CACNA1A: variants seen among roughly 807,000 people sequenced by gnomAD.
CACNA1A encodes the protein voltage-dependent P/Q-type calcium channel subunit alpha-1A.
In CACNA1A, 57 loss-of-function variants were observed where a neutral mutation model predicts 262.4. That is an observed-to-expected ratio of 0.22 (90% CI 0.18 to 0.27). The LOEUF is 0.27. CACNA1A is among the 10% of genes least tolerant of loss of function. The pLI, the probability that CACNA1A is intolerant of heterozygous loss-of-function variation, is 1.00. For synonymous variants in CACNA1A, 1,431 were observed against 1,419.3 expected, an observed-to-expected ratio of 1.01 and a Z score of -0.18; for missense variants, 2,526 against 3,562.8, an observed-to-expected ratio of 0.71 and a Z score of 7.41.
rs2057405542 is a variant in CACNA1A at position 13,286,608 on chromosome 19, T to G, written c.3448A>C (p.Ser1150Arg). ...TTAGCTGAATTGGTCTGGGTGCCGC[T>G]GGGGTTGGTGACGATAAGGCTATTC... ...PENSLIVTNP[S>R]GTQTNSAKTA... The change falls in exon 20 of 47, where the codon AGC becomes CGC. Residue 1150 changes from serine to arginine, a missense_variant. By Grantham distance (110) the Ser-to-Arg change is moderately radical. This residue lies in a region of CACNA1A where 765 missense variants were observed against 748.6 expected (regional missense o/e 1.02). Coordinates refer to ENST00000360228, the MANE Select transcript of CACNA1A (RefSeq NM_001127222.2). The G allele has an allele frequency of 3.4e-6, 5 of 1,467,468 alleles. No individual in the cohort carries two copies. Among genetic ancestry groups the G allele is most frequent in the Non-Finnish European group, 4.5e-6 (5 of 1,108,600 alleles). The allele number at this position is 1,467,468 out of a possible 1,614,324, so 90.9% of individuals were successfully genotyped here.
chr19:13,405,440 A>C (rs1299605016), intron 3 of CACNA1A, among the ~76,000 whole-genome samples: 2 of 152,096 alleles, frequency 1.3e-5, no homozygotes, highest in Non-Finnish European at 2.9e-5. Context: ...TCCCGTGCTC[A>C]AGCAATCAGC....
intron 6 of CACNA1A, among the ~76,000 whole-genome samples, chr19:13,345,741 C>T (rs1187107588): frequency 6.6e-6 from 1 of 152,086 alleles, no homozygotes; most frequent in Non-Finnish European, 1.5e-5. Context: ...TGAAGTCTGA[C>T]AGTGACCGTG....
In CACNA1A at chr19:13,298,857, C is replaced by A; in HGVS notation, c.2776G>T (p.Gly926Trp). ...TGCACGTGCCTCCGGTGGGGGTCCC[C>A]GGCCTTGCCTCGCTCGGCCTCGCCC... ...WEGEAERGKA[G>W]DPHRRHVHRQ... The change falls in exon 19 of 47, where the codon GGG becomes TGG. Residue 926 changes from glycine to tryptophan, a missense_variant. Physicochemically the swap from Gly to Trp is radical, Grantham distance 184 (BLOSUM62 -2). Around this residue, in one of 17 missense-constraint regions of CACNA1A, gnomAD observed 765 missense variants for 748.6 expected, o/e 1.02. Coordinates refer to ENST00000360228, the MANE Select transcript of CACNA1A (RefSeq NM_001127222.2). 1 of 1,587,682 alleles carries A rather than the reference C, an allele frequency of 6.3e-7. No individual in the cohort carries two copies. The highest frequency in any genetic ancestry group is 2.3e-5 in the East Asian group (1 of 43,868).
rs112883493 is a variant in CACNA1A at position 13,422,337 on chromosome 19, A to G, written c.539+30539T>C. On this transcript the variant is annotated intron_variant, in intron 3 of 46. Coordinates refer to ENST00000360228, the MANE Select transcript of CACNA1A (RefSeq NM_001127222.2). ...CCACATCTCAAAAAAGAAAAGTTCA[A>G]TGTAGCTAGAGTGGAGAGATAACAC... Among the ~76,000 whole-genome samples, 656 of 152,256 alleles carry G rather than the reference A, an allele frequency of 4.3e-3. 8 individuals are homozygous for G. Among genetic ancestry groups the G allele is most frequent in the African/African-American group, 0.015 (611 of 41,548 alleles).
At chr19:13,233,297 C>T (rs1244681108) in intron 34 of CACNA1A, among the ~76,000 whole-genome samples, 1 of 152,090 alleles carries the variant, frequency 6.6e-6, no homozygotes, top group Non-Finnish European at 1.5e-5. Context: ...GCATAACCTG[C>T]CGGCCCTCTA....
intron 26 of CACNA1A, 95 bp downstream of exon 26, chr19:13,261,355 C>G (rs1374883292): frequency 9.2e-7 from 1 of 1,087,824 alleles, no homozygotes; most frequent in Non-Finnish European, 1.3e-6. Flanking sequence ...CATCACTTCT[C>G]CAGTCTCTGA....
chr19:13,390,813 A>G (rs1489881153), intron 3 of CACNA1A, among the ~76,000 whole-genome samples: 1 of 151,766 alleles, frequency 6.6e-6, no homozygotes, highest in Non-Finnish European at 1.5e-5. Context: ...AGAGAGGTTG[A>G]TAACTCACCC....
rs547440280 is a variant in CACNA1A at position 13,492,696 on chromosome 19, A to G, written c.293+13236T>C. Among the ~76,000 whole-genome samples the G allele has an allele frequency of 5.3e-5, 8 of 152,096 alleles. No homozygotes were observed. In the East Asian group the frequency reaches 1.3e-3, roughly 26 times the overall value. ...AAAAAGTTTAGGTATATCGGGGGGA[A>G]AAAAGGAGTGGTTATTCCATTTCCT... On this transcript the variant is annotated intron_variant, in intron 1 of 46. Coordinates refer to ENST00000360228, the MANE Select transcript of CACNA1A (RefSeq NM_001127222.2).
intron 1 of CACNA1A, among the ~76,000 whole-genome samples, chr19:13,467,865 A>G (rs757530923): frequency 1.2e-4 from 18 of 152,082 alleles, no homozygotes; most frequent in Non-Finnish European, 2.2e-4. Context: ...TCGGCCTCCC[A>G]AAGTGCTGAG....
chr19:13,277,654 C>T (rs1405178460), intron 22 of CACNA1A: 1 of 157,522 alleles, frequency 6.3e-6, no homozygotes, highest in Non-Finnish European at 1.4e-5. Flanking sequence ...TGTGCCCCTC[C>T]CCAGGCCTGA....
intron 3 of CACNA1A, among the ~76,000 whole-genome samples, chr19:13,390,699 T>C (rs1425826725): frequency 1.3e-5 from 2 of 152,292 alleles, no homozygotes; most frequent in South Asian, 2.1e-4. Context: ...CATGTGCTAA[T>C]TCCTATTCTA....
chr19:13,222,938 C>T (rs2055289725), intron 38 of CACNA1A, among the ~76,000 whole-genome samples: 1 of 152,136 alleles, frequency 6.6e-6, no homozygotes, highest in Non-Finnish European at 1.5e-5. Context: ...CGTGATCCAC[C>T]CACCTTGGCC....
chr19:13,454,211 G>A (rs2060964403), intron 2 of CACNA1A, among the ~76,000 whole-genome samples: 1 of 151,706 alleles, frequency 6.6e-6, no homozygotes, highest in Non-Finnish European at 1.5e-5. Context: ...AGGTTGGGGG[G>A]TGGGGCTGAA....
intron 1 of CACNA1A, among the ~76,000 whole-genome samples, chr19:13,504,201 G>T (rs1982738288): frequency 6.6e-6 from 1 of 152,136 alleles, no homozygotes; most frequent in Non-Finnish European, 1.5e-5. Context: ...CTGTTGATAG[G>T]CAGAGTAATC....
At chr19:13,402,458 G>A (rs1485828723) in intron 3 of CACNA1A, among the ~76,000 whole-genome samples, 1 of 151,762 alleles carries the variant, frequency 6.6e-6, no homozygotes, top group Non-Finnish European at 1.5e-5. Context: ...GGTGATGGGT[G>A]CACCAGGTTC....
intron 3 of CACNA1A, among the ~76,000 whole-genome samples, chr19:13,403,888 T>C (rs1264748716): frequency 1.3e-5 from 2 of 152,104 alleles, no homozygotes; most frequent in East Asian, 3.9e-4. Flanking sequence ...AACCTGGAGG[T>C]TGAGGTTGTA....
At chr19:13,234,729 C>A (rs952540149) in intron 34 of CACNA1A, 192 bp downstream of exon 34, 2 of 558,808 alleles carry the variant, frequency 3.6e-6, no homozygotes, top group South Asian at 2.2e-5. Flanking sequence ...AAGGCCGGCA[C>A]GTCCCCTACC....
intron 3 of CACNA1A, among the ~76,000 whole-genome samples, chr19:13,448,951 C>CT (rs908726185): frequency 7.2e-5 from 11 of 151,806 alleles, no homozygotes; most frequent in Admixed American, 1.3e-4. Context: ...TTTCTCTTTT[C>CT]TTTTTTTTAT....
chr19:13,430,198 C>T (rs2060482116), intron 3 of CACNA1A, among the ~76,000 whole-genome samples: 1 of 134,526 alleles, frequency 7.4e-6, no homozygotes, highest in South Asian at 2.3e-4. Flanking sequence ...TATGTTACCA[C>T]AATGAAATAT....
Sources: allele counts gnomAD v4.1 joint callset (sites outside exome capture counted in the v4.1 genomes callset), GRCh38; gene constraint gnomAD v4.1.1; regional missense constraint gnomAD v4.1.1; transcripts MANE v1.5; gene names NCBI Gene and HGNC (gene_info 2026-07-23, HGNC 2026-07-21).